Variants in CCDC186 observed in about 807,000 individuals in gnomAD.
CCDC186 encodes the protein coiled-coil domain-containing protein 186.
Under a neutral mutation model 113.7 loss-of-function variants are expected in CCDC186, and 49 were observed. The ratio of observed to expected loss-of-function variants is 0.43; its 90% CI spans 0.34 to 0.55. CCDC186 has a LOEUF of 0.55. CCDC186 is among the 20% of genes least tolerant of loss of function. The pLI is 0.02. For missense variants in CCDC186, 890 were observed against 1,011.1 expected (o/e 0.88, Z 1.62); for synonymous variants, 355 against 345.8 (o/e 1.03, Z -0.30).
chr10:114,164,065 AGTGTGTGTGTGTGTGTGTGT>A (rs747232906), intron 1 of CCDC186, among the ~76,000 whole-genome samples: 3 of 107,044 alleles, frequency 2.8e-5, no homozygotes, highest in African/African-American at 3.8e-5. Flanking sequence ...ACCAAGTTAG[AGTGTGTGTGTGTGTGTGTGT>A]GTGTGTGTGT....
intron 4 of CCDC186, among the ~76,000 whole-genome samples, chr10:114,148,901 C>T (rs555038370): frequency 2.4e-4 from 36 of 152,196 alleles, no homozygotes; most frequent in Non-Finnish European, 4.1e-4. Context: ...GGTGAATGTG[C>T]GTGTGCACAT....
In CCDC186 at chr10:114,129,995, G is replaced by T. The variant is rs776962662; in HGVS notation, c.2102-24C>A. 5 of 1,603,422 alleles carry T rather than the reference G, an allele frequency of 3.1e-6. No individual in the cohort carries two copies. In the South Asian group the frequency reaches 5.5e-5, roughly 18 times the overall value. The stretch of plus-strand genomic sequence containing the variant: ...TGCTATAGGAAAAAGAAGATTATTC[G>T]TCACAATTATCAGGACCATTTGCTC... On this transcript the variant is annotated intron_variant, in intron 12 of 15. Coordinates refer to ENST00000369287, the MANE Select transcript of CCDC186 (RefSeq NM_018017.4).
intron 13 of CCDC186, 64 bp downstream of exon 13, chr10:114,129,827 G>C: frequency 1.3e-6 from 2 of 1,485,036 alleles, no homozygotes; most frequent in South Asian, 2.3e-5. Flanking sequence ...ATCACACCTG[G>C]CCAAAAATGC....
chr10:114,160,534 C>A (rs544210461), intron 2 of CCDC186, among the ~76,000 whole-genome samples: 2 of 152,106 alleles, frequency 1.3e-5, no homozygotes, highest in Non-Finnish European at 2.9e-5. Context: ...AATGTTCTCA[C>A]CACACACACA....
intron 4 of CCDC186, among the ~76,000 whole-genome samples, chr10:114,149,846 CAGGCAGGCAGGA>C (rs1456697163): frequency 2.5e-5 from 3 of 121,168 alleles, no homozygotes; most frequent in Admixed American, 7.9e-5. Context: ...GGAAGGCAGG[CAGGCAGGCAGGA>C]AGGCAGGCAG....
intron 7 of CCDC186, among the ~76,000 whole-genome samples, chr10:114,136,496 C>G (rs2031267060): frequency 6.6e-6 from 1 of 152,090 alleles, no homozygotes; most frequent in African/African-American, 2.4e-5. Context: ...GCAAGCTGCA[C>G]TTTTTTTCTA....
chr10:114,132,116 T>C lies in CCDC186; in HGVS notation c.1724A>G (p.Gln575Arg). ...ESLNSLINDL[Q>R]KDIEGSRKRE... Reference sequence around the variant, plus strand: ...TTTCCTACTGCCTTCGATGTCTTTTTGTAGGTCATTAATCAAAGAATTAAG... The same window carrying C: ...TTTCCTACTGCCTTCGATGTCTTTTCGTAGGTCATTAATCAAAGAATTAAG... Residue 575 changes from glutamine (Q) to arginine (R), a missense_variant, in exon 11 of 16, where the codon CAA (glutamine) becomes CGA (arginine). Transcript: ENST00000369287. 4 of 1,613,206 alleles carry C rather than the reference T, an allele frequency of 2.5e-6. No homozygotes were observed. The highest frequency in any genetic ancestry group is 3.4e-6 in the Non-Finnish European group (4 of 1,179,606).
intron 13 of CCDC186, among the ~76,000 whole-genome samples, chr10:114,128,411 T>C (rs572120073): frequency 6.6e-6 from 1 of 152,316 alleles, no homozygotes; most frequent in African/African-American, 2.4e-5. Context: ...TGTCTATAAT[T>C]TCAAATCCAT....
intron 4 of CCDC186, among the ~76,000 whole-genome samples, chr10:114,146,289 A>G (rs551494989): frequency 6.6e-6 from 1 of 152,216 alleles, no homozygotes; most frequent in Non-Finnish European, 1.5e-5. Context: ...CTCCTTGTCC[A>G]GCAGCCCTGA....
intron 6 of CCDC186, among the ~76,000 whole-genome samples, chr10:114,137,614 G>A (rs916402899): frequency 7.9e-5 from 12 of 152,074 alleles, no homozygotes; most frequent in South Asian, 4.1e-4. Flanking sequence ...ATTTAAAACC[G>A]TCTTTTGGCC....
intron 1 of CCDC186, among the ~76,000 whole-genome samples, chr10:114,163,953 T>A (rs1483912161): frequency 1.3e-5 from 2 of 151,652 alleles, no homozygotes; most frequent in Non-Finnish European, 2.9e-5. Flanking sequence ...AGTACCATGG[T>A]GATTTTCAAA....
At position 114,123,273 on chromosome 10, in the gene CCDC186, C is replaced by T. The variant is rs1232071335; in HGVS notation, c.*1870G>A. 1 of 152,454 alleles carries T rather than the reference C, an allele frequency of 6.6e-6. No individual in the cohort carries two copies. The highest frequency in any genetic ancestry group is 2.4e-5 in the African/African-American group (1 of 41,414). The allele number at this position is 152,454 out of a possible 1,614,324, so 9.4% of individuals were successfully genotyped here. A position where few individuals can be genotyped will look rare whatever the true frequency, so the allele number is the denominator to read the frequency against. The stretch of plus-strand genomic sequence containing the variant: ...AAGACACATTATGTTAAGACTAATA[C>T]TTTTTATAACTATTCTAAAAATAAA... On this transcript the variant is annotated 3_prime_UTR_variant, in exon 16 of 16. Coordinates refer to ENST00000369287, the MANE Select transcript of CCDC186 (RefSeq NM_018017.4).
intron 7 of CCDC186, 94 bp downstream of exon 7, chr10:114,137,092 G>A (rs1415219787): frequency 2.3e-6 from 2 of 886,888 alleles, no homozygotes; most frequent in Non-Finnish European, 1.7e-6. Context: ...ACTCCAGCCC[G>A]GGCGACAGAG....
rs764385466 is a variant in CCDC186, at chr10:114,145,758, T to C, written c.892A>G (p.Asn298Asp). ...KEMAQRMEQA[N>D]KKCEEARQEK... ...TGGCGTGCCTCTTCACATTTCTTGT[T>C]GGCCTTCAAAAAAAATATTACTTAG... Residue 298 changes from asparagine (N) to aspartate (D), a missense_variant, in exon 5 of 16, where the codon AAC (asparagine) becomes GAC (aspartate). Coordinates refer to ENST00000369287, the MANE Select transcript of CCDC186 (RefSeq NM_018017.4). 1 of 1,575,186 alleles carries C rather than the reference T, an allele frequency of 6.3e-7. No individual in the cohort carries two copies. Among genetic ancestry groups the C allele is most frequent in the Non-Finnish European group, 8.6e-7 (1 of 1,169,574 alleles).
chr10:114,127,392 A>C, intron 14 of CCDC186, 69 bp downstream of exon 14: 2 of 1,412,538 alleles, frequency 1.4e-6, no homozygotes, highest in South Asian at 2.6e-5. Context: ...ACTAATTTTA[A>C]AAACAGTAAC....
rs35615169 is a variant in CCDC186 at position 114,164,114 on chromosome 10, A to ATTTT, written c.-61-789_-61-786dup. 4.1e-3 allele frequency among the ~76,000 whole-genome samples: 321 copies of ATTTT among 79,192 alleles called. 4 individuals are homozygous for ATTTT. Among genetic ancestry groups the ATTTT allele is most frequent in the African/African-American group, 0.011 (234 of 20,524 alleles). 52.0% of individuals were successfully genotyped at this position (79,192 alleles called of 152,430 possible). A position where few individuals can be genotyped will look rare whatever the true frequency, so the allele number is the denominator to read the frequency against. Reference sequence around the variant, plus strand: ...TGTGTGTGTGTGTGTATATATATATATTTTTTTTTTTTTTTTTTTTTTTGG... The same window carrying ATTTT: ...TGTGTGTGTGTGTGTATATATATATATTTTTTTTTTTTTTTTTTTTTTTTTTTGG... On this transcript the variant is annotated intron_variant, in intron 1 of 15. Coordinates refer to ENST00000369287, the MANE Select transcript of CCDC186 (RefSeq NM_018017.4).
At chr10:114,166,766 G>A (rs182982558) in intron 1 of CCDC186, among the ~76,000 whole-genome samples, 26 of 152,328 alleles carry the variant, frequency 1.7e-4, no homozygotes, top group Admixed American at 5.2e-4. Flanking sequence ...GTTGTAAGAT[G>A]ACAATGTGGA....
chr10:114,126,435 C>T (rs2030903872), intron 14 of CCDC186, among the ~76,000 whole-genome samples: 1 of 152,220 alleles, frequency 6.6e-6, no homozygotes, highest in Admixed American at 6.5e-5. Flanking sequence ...TAGCTCGCTG[C>T]AGCCTCCACT....
Position 114,125,081 on chromosome 10 carries a change from T to G in CCDC186, c.*62A>C. The G allele has an allele frequency of 1.7e-6, 2 of 1,191,286 alleles. No homozygotes were observed. Among genetic ancestry groups the G allele is most frequent in the Admixed American group, 2.4e-5 (1 of 41,584 alleles). 73.8% of individuals were successfully genotyped at this position (1,191,286 alleles called of 1,614,324 possible). A position where few individuals can be genotyped will look rare whatever the true frequency, so the allele number is the denominator to read the frequency against. On this transcript the variant is annotated 3_prime_UTR_variant, in exon 16 of 16. Coordinates refer to ENST00000369287, the MANE Select transcript of CCDC186 (RefSeq NM_018017.4). ...AAAAGTGGAACAAAGTCTCCAACAA[T>G]AGAGGTCAGTGGCACCTACTCCTGT...
Sources: gnomAD v4.1 joint callset for allele counts (sites outside exome capture counted in the v4.1 genomes callset) on GRCh38, gnomAD v4.1.1 for gene constraint, MANE v1.5 for transcripts, NCBI Gene and HGNC (gene_info 2026-07-23, HGNC 2026-07-21) for gene names.